Variants in NEK10 observed in about 807,000 individuals in gnomAD.
The protein encoded by NEK10 is NIMA related kinase 10.
NEK10 carries 122 observed loss-of-function variants against 159.8 expected under a neutral mutation model. That is an observed-to-expected ratio of 0.76 (90% CI 0.66 to 0.89). The LOEUF (loss-of-function observed/expected upper bound fraction) is 0.89, where lower values mean the gene tolerates loss of function less well. NEK10 is among the 40% of genes least tolerant of loss of function. The probability of loss-of-function intolerance (pLI) is 0.00; values close to 1 mark genes in which losing one functional copy is unlikely to be tolerated. For synonymous variants in NEK10, 466 were observed against 457.1 expected, an observed-to-expected ratio of 1.02 and a Z score of -0.25; for missense variants, 1,342 against 1,323.1, an observed-to-expected ratio of 1.01 and a Z score of -0.22.
intron 23 of NEK10, among the ~76,000 whole-genome samples, chr3:27,222,209 C>T (rs919713625): frequency 6.6e-6 from 1 of 152,116 alleles, no homozygotes; most frequent in Admixed American, 6.5e-5. Context: ...CCCGTCTCTA[C>T]TAAAAATACA....
chr3:27,177,129 C>T lies in NEK10; in HGVS notation c.2506-2296G>A, dbSNP rs149520890. Among the ~76,000 whole-genome samples the T allele has an allele frequency of 5.4e-3, 819 of 152,244 alleles. 9 individuals are homozygous for T. Among genetic ancestry groups the T allele is most frequent in the African/African-American group, 0.018 (763 of 41,538 alleles). ...CTTGTAACTGCCAAAATTTCATCCA[C>T]GGGTAATTGACTGTTTGCATAAATT... is the stretch of plus-strand genomic sequence containing the variant. On this transcript the variant is annotated intron_variant, in intron 26 of 35. Coordinates refer to ENST00000691995, the MANE Select transcript of NEK10 (RefSeq NM_001394966.1).
intron 31 of NEK10, among the ~76,000 whole-genome samples, chr3:27,135,944 A>G (rs1339362878): frequency 6.6e-6 from 1 of 152,132 alleles, no homozygotes; most frequent in Non-Finnish European, 1.5e-5. Flanking sequence ...AAAAACACAG[A>G]ACGTTTCACC....
intron 5 of NEK10, among the ~76,000 whole-genome samples, chr3:27,343,394 T>A (rs1031493680): frequency 4.6e-5 from 7 of 152,208 alleles, no homozygotes; most frequent in African/African-American, 7.2e-5. Context: ...AAATTATTAA[T>A]ACTCCTATTT....
At chr3:27,325,774 AGGCCT>A (rs2045959318) in intron 5 of NEK10, among the ~76,000 whole-genome samples, 1 of 152,176 alleles carries the variant, frequency 6.6e-6, no homozygotes, top group African/African-American at 2.4e-5. Flanking sequence ...TCCCCCAACA[AGGCCT>A]GGCTCTGTGG....
At chr3:27,306,693 G>A (rs188512142) in intron 11 of NEK10, among the ~76,000 whole-genome samples, 246 of 152,220 alleles carry the variant, frequency 1.6e-3, no homozygotes, top group African/African-American at 5.5e-3. Context: ...TATAAAATAC[G>A]GGAAAAATAG....
At chr3:27,162,003 T>C (rs1946049653) in intron 30 of NEK10, among the ~76,000 whole-genome samples, 1 of 148,374 alleles carries the variant, frequency 6.7e-6, no homozygotes, top group African/African-American at 2.5e-5. Context: ...AGATTCTGTC[T>C]CAAAAAAAAA....
At chr3:27,145,089 T>G (rs2148706994) in intron 30 of NEK10, among the ~76,000 whole-genome samples, 1 of 152,250 alleles carries the variant, frequency 6.6e-6, no homozygotes, top group East Asian at 1.9e-4. Context: ...TCAGTATATC[T>G]TTTAGATTAG....
intron 22 of NEK10, among the ~76,000 whole-genome samples, chr3:27,279,187 T>C (rs1299252273): frequency 3.9e-5 from 6 of 152,232 alleles, no homozygotes; most frequent in African/African-American, 9.6e-5. Context: ...TTCACCTATA[T>C]TGAGAAAAAT....
chr3:27,278,670 A>G (rs1187371009), intron 22 of NEK10: 1 of 977,020 alleles, frequency 1.0e-6, no homozygotes, highest in Non-Finnish European at 1.2e-6. Context: ...TAATTAAATG[A>G]GTTTTGTTTT....
intron 8 of NEK10, 113 bp from the exon 9 acceptor site, chr3:27,311,129 C>T (rs1393758859): frequency 1.6e-6 from 1 of 635,260 alleles, no homozygotes; most frequent in Non-Finnish European, 2.8e-6. Context: ...AAAGGGAACA[C>T]AGCACAAAAG....
At chr3:27,132,136 T>G (rs1942694404) in intron 31 of NEK10, 146 bp from the exon 32 acceptor site, 2 of 427,646 alleles carry the variant, frequency 4.7e-6, no homozygotes, top group South Asian at 8.0e-5. Flanking sequence ...ATAGCATGAC[T>G]AGATGCTATA....
At chr3:27,346,765 TA>T (rs2047582299) in intron 3 of NEK10, among the ~76,000 whole-genome samples, 1 of 152,234 alleles carries the variant, frequency 6.6e-6, no homozygotes, top group Non-Finnish European at 1.5e-5. Flanking sequence ...GTTAGGGATA[TA>T]ACAATAAAGA....
intron 1 of NEK10, among the ~76,000 whole-genome samples, chr3:27,360,633 G>A (rs975929574): frequency 1.3e-5 from 2 of 152,206 alleles, no homozygotes; most frequent in Non-Finnish European, 2.9e-5. Context: ...TTAGCCAAGG[G>A]CAGAGGGTGA....
intron 5 of NEK10, among the ~76,000 whole-genome samples, chr3:27,326,594 G>GT (rs5847457): frequency 0.13 from 19,476 of 151,948 alleles, 3,079 homozygotes; most frequent in African/African-American, 0.38. Flanking sequence ...TTCCAGAATA[G>GT]TTTTTTTTAA....
At chr3:27,327,357 C>T (rs889047511) in intron 5 of NEK10, among the ~76,000 whole-genome samples, 4 of 152,160 alleles carry the variant, frequency 2.6e-5, no homozygotes, top group African/African-American at 7.2e-5. Flanking sequence ...AATTCATGAG[C>T]GGGCAAATAT....
At chr3:27,111,909 C>T (rs1939605050) in intron 35 of NEK10, among the ~76,000 whole-genome samples, 1 of 152,156 alleles carries the variant, frequency 6.6e-6, no homozygotes, top group Non-Finnish European at 1.5e-5. Context: ...TATCATACAA[C>T]CATGCAAATG....
At chr3:27,191,369 A>G (rs1484154601) in intron 26 of NEK10, among the ~76,000 whole-genome samples, 1 of 152,232 alleles carries the variant, frequency 6.6e-6, no homozygotes, top group Admixed American at 6.5e-5. Context: ...TGAGCAAACA[A>G]CAGAACACTG....
At chr3:27,111,513 C>T (rs1466379144) in intron 35 of NEK10, among the ~76,000 whole-genome samples, 193 bp from the exon 36 acceptor site, 1 of 152,172 alleles carries the variant, frequency 6.6e-6, no homozygotes, top group Non-Finnish European at 1.5e-5. Flanking sequence ...CAAGGCCTTT[C>T]TCAAATTATG....
chr3:27,322,440 ATCTT>A (rs1283327332), intron 5 of NEK10, among the ~76,000 whole-genome samples, 179 bp from the exon 6 acceptor site: 3 of 151,214 alleles, frequency 2.0e-5, no homozygotes, highest in African/African-American at 7.3e-5. Flanking sequence ...CATTTAAACT[ATCTT>A]TTTCAGTGTG....
Sources: allele counts gnomAD v4.1 joint callset (sites outside exome capture counted in the v4.1 genomes callset), GRCh38; gene constraint gnomAD v4.1.1; transcripts MANE v1.5; gene names NCBI Gene and HGNC (gene_info 2026-07-23, HGNC 2026-07-21).